The following MYH3 variants were observed in gnomAD, a reference collection of about 807,000 sequenced individuals.
The protein encoded by MYH3 is myosin heavy chain 3, also known as myosin-3.
A neutral mutation model predicts 238.0 loss-of-function variants in MYH3; 130 were observed. The observed-to-expected ratio is 0.55, with a 90% CI of 0.47 to 0.63. The LOEUF is 0.63. Among genes scored for constraint, MYH3 ranks in the 30% least tolerant of loss-of-function variants. MYH3 has a pLI of 0.00. For missense variants in MYH3, 1,853 were observed against 2,374.9 expected (o/e 0.78, Z 4.57); for synonymous variants, 880 against 924.1 (o/e 0.95, Z 0.86).
intron 8 of MYH3, 144 bp from the exon 9 acceptor site, chr17:10,647,570 G>A (rs1400137348): frequency 1.1e-6 from 1 of 880,196 alleles, no homozygotes; most frequent in Non-Finnish European, 1.8e-6. Flanking sequence ...TTTTGAGACG[G>A]AGTCTCGCTC....
At chr17:10,661,289 TAAAAAAAAAAAAA>T (rs34393718), upstream of MYH3, among the ~76,000 whole-genome samples, 26 of 49,690 alleles carry the variant, frequency 5.2e-4, no homozygotes, top group Admixed American at 5.3e-3. Flanking sequence ...AGACTCCATC[TAAAAAAAAAAAAA>T]AAAAAAAAAA....
In MYH3 at chr17:10,628,574, T is replaced by A. The variant is rs2074116246; in HGVS notation, c.*79A>T. On this transcript the variant is annotated 3_prime_UTR_variant, in exon 41 of 41. Transcript: ENST00000583535. ...TTATTGCATGTGAAAAAGAGTCACATGGACATTAAGTATCAATGGTCAGGA... is the reference window on the plus strand; with the variant it reads ...TTATTGCATGTGAAAAAGAGTCACAAGGACATTAAGTATCAATGGTCAGGA... 2 of 1,489,376 alleles carry A rather than the reference T, an allele frequency of 1.3e-6. No individual in the cohort carries two copies. Among genetic ancestry groups the A allele is most frequent in the South Asian group, 2.3e-5 (2 of 88,650 alleles). 92.3% of individuals were successfully genotyped at this position (1,489,376 alleles called of 1,614,324 possible).
Position 10,652,525 on chromosome 17 carries a change from G to GT in MYH3, c.242dup (p.Asn81LysfsTer19), listed in dbSNP as rs2074386846. The GT allele has an allele frequency of 6.2e-7, 1 of 1,613,602 alleles. No homozygotes were observed. Among genetic ancestry groups the GT allele is most frequent in the African/African-American group, 1.3e-5 (1 of 74,780 alleles). On this transcript the variant is annotated frameshift_variant, in exon 4 of 41. Coordinates refer to ENST00000583535, the MANE Select transcript of MYH3 (RefSeq NM_002470.4). LOFTEE classifies it high-confidence loss of function. ...CTTCGATCCTGTCGAACTTGGGGGG[G>GT]TTCATGGCGTACACATCCTCTGGTT...
At chr17:10,659,550 AG>A (rs1351045347), upstream of MYH3, among the ~76,000 whole-genome samples, 1 of 152,214 alleles carries the variant, frequency 6.6e-6, no homozygotes, top group Admixed American at 6.5e-5. Context: ...CACAGAACCC[AG>A]AACTTCCAGA....
chr17:10,669,322 G>A, the MYH3 span, among the ~76,000 whole-genome samples: 1 of 152,136 alleles, frequency 6.6e-6, no homozygotes, highest in Non-Finnish European at 1.5e-5. Flanking sequence ...GGAGGCCCAG[G>A]CAGGCAGATC....
rs1198530241 is a variant in MYH3, at chr17:10,629,612, G to A, written c.5781C>T (p.Asp1927=). The A allele has an allele frequency of 6.2e-7, 1 of 1,613,542 alleles. No individual in the cohort carries two copies. Residue 1927 remains aspartate (D), a synonymous_variant, in exon 40 of 41, where the codon GAC becomes GAT. Transcript: ENST00000583535. ...QVNKLRAKTR[D]FTSSRMVVHE... ...AGCGACTCACCCTGCTGGAGGTGAA[G>A]TCTCGAGTCTTAGCGCGGAGCTTGT...
chr17:10,668,123 G>A, the MYH3 span, among the ~76,000 whole-genome samples: 8 of 152,296 alleles, frequency 5.3e-5, no homozygotes, highest in East Asian at 5.8e-4. Context: ...GGCTGGGTGC[G>A]GCGGCTCACG....
chr17:10,650,188 G>C (rs1876009859), intron 6 of MYH3, among the ~76,000 whole-genome samples, 186 bp downstream of exon 6: 1 of 152,002 alleles, frequency 6.6e-6, no homozygotes, highest in Non-Finnish European at 1.5e-5. Context: ...TGTTAGCCAG[G>C]ATGGTCTCGA....
chr17:10,662,193 T>G (rs1031691809), upstream of MYH3, among the ~76,000 whole-genome samples: 3 of 152,092 alleles, frequency 2.0e-5, no homozygotes, highest in Admixed American at 1.3e-4. Context: ...GGCTAATTTT[T>G]GTATTTTGAG....
chr17:10,641,357 G>A lies in MYH3; in HGVS notation c.1975C>T (p.Leu659=), dbSNP rs761658218. 3 of 1,600,568 alleles carry A rather than the reference G, an allele frequency of 1.9e-6. No homozygotes were observed. The highest frequency in any genetic ancestry group is 8.5e-7 in the Non-Finnish European group (1 of 1,173,252). Reference sequence around the variant, plus strand: ...TGAGTAGTTCTTAAATTTGACATCAGCTTGTTCAGGTTTTCCTAAGAGAAA... The same window carrying A: ...TGAGTAGTTCTTAAATTTGACATCAACTTGTTCAGGTTTTCCTAAGAGAAA... ...SALFRENLNK[L]MSNLRTTHPH... is the part of the protein sequence containing the mutation. The change falls in exon 18 of 41, where the codon CTG becomes TTG. Residue 659 remains leucine, a synonymous_variant. Coordinates refer to ENST00000583535, the MANE Select transcript of MYH3 (RefSeq NM_002470.4).
chr17:10,632,536 G>A lies in MYH3; in HGVS notation c.4896C>T (p.His1632=), dbSNP rs369953016. The A allele has an allele frequency of 3.6e-5, 58 of 1,614,026 alleles. No homozygotes were observed. Among genetic ancestry groups the A allele is most frequent in the African/African-American group, 8.0e-5 (6 of 74,924 alleles). ...GGGTCTCCGCCGCCTGGCGGTTGGC[G>A]TGGCTCAGCTGGATCTCGATTTCAT... is the stretch of plus-strand genomic sequence containing the variant. ...DLNEIEIQLS[H]ANRQAAETLK... The change falls in exon 34 of 41, where the codon CAC becomes CAT. Residue 1632 remains histidine, a synonymous_variant. Coordinates refer to ENST00000583535, the MANE Select transcript of MYH3 (RefSeq NM_002470.4).
Position 10,641,365 on chromosome 17 carries a change from A to G in MYH3, c.1967T>C (p.Leu656Pro). Residue 656 changes from leucine (L) to proline (P), a missense_variant, in exon 18 of 41, where the codon CTG becomes CCG. Transcript: ENST00000583535. ...QTVSALFREN[L>P]NKLMSNLRTT... ...TCTTAAATTTGACATCAGCTTGTTC[A>G]GGTTTTCCTAAGAGAAAAAAAAAAT... 6.4e-7 allele frequency: 1 copy of G among 1,573,672 alleles called. No individual in the cohort carries two copies. Among genetic ancestry groups the G allele is most frequent in the Non-Finnish European group, 8.7e-7 (1 of 1,156,050 alleles).
At chr17:10,635,980 A>G in intron 28 of MYH3, 127 bp from the exon 29 acceptor site, 1 of 837,136 alleles carries the variant, frequency 1.2e-6, no homozygotes, top group Admixed American at 1.9e-5. Context: ...TTTCTTCTTC[A>G]GGGAGAAGGT....
chr17:10,648,761 C>T (rs2074347511), intron 7 of MYH3, 112 bp from the exon 8 acceptor site: 4 of 882,820 alleles, frequency 4.5e-6, no homozygotes, highest in South Asian at 2.7e-5. Flanking sequence ...CTGCAACCTC[C>T]ACCTCCCGGG....
intron 36 of MYH3, among the ~76,000 whole-genome samples, chr17:10,630,682 T>G (rs548647403): frequency 1.3e-5 from 2 of 152,264 alleles, no homozygotes; most frequent in African/African-American, 4.8e-5. Flanking sequence ...AAAGCCCATC[T>G]CTACTAAAAA....
At chr17:10,673,312 C>T in the MYH3 span, 2 of 152,088 alleles carry the variant, frequency 1.3e-5, no homozygotes, top group East Asian at 1.9e-4. Context: ...TTTTTATATC[C>T]CTCGTACTCA....
chr17:10,658,778 T>A (rs556603532), upstream of MYH3: 4 of 152,374 alleles, frequency 2.6e-5, no homozygotes, highest in South Asian at 8.3e-4. Context: ...GAGACTGACA[T>A]GTCCATCCTT....
In MYH3 at chr17:10,651,418, C is replaced by A. The variant is rs1203912948; in HGVS notation, c.505+94G>T. 7.5e-6 allele frequency: 12 copies of A among 1,601,484 alleles called. No individual in the cohort carries two copies. In the East Asian group the frequency reaches 2.5e-4, roughly 33 times the overall value. On this transcript the variant is annotated intron_variant, in intron 5 of 40. Coordinates refer to ENST00000583535, the MANE Select transcript of MYH3 (RefSeq NM_002470.4). ...CTTCCTCCTTTCCCTGTGCTAAACA[C>A]CAGATGGGGTCCAGCCTGGGAGTAA...
At position 10,650,123 on chromosome 17, in the gene MYH3, C is replaced by A. The variant is rs2074361008; in HGVS notation, c.533+251G>T. 2.6e-5 allele frequency among the ~76,000 whole-genome samples: 4 copies of A among 152,214 alleles called. 1 individual carries two copies. In the South Asian group the frequency reaches 8.3e-4, roughly 32 times the overall value. On this transcript the variant is annotated intron_variant, in intron 6 of 40. Coordinates refer to ENST00000583535, the MANE Select transcript of MYH3 (RefSeq NM_002470.4). ...AGTAGCTGTGACTACAGGTGCCCGCCACCACACCCAGCTAATTTTTTTGTA... is the reference window on the plus strand; with the variant it reads ...AGTAGCTGTGACTACAGGTGCCCGCAACCACACCCAGCTAATTTTTTTGTA...
Sources: gnomAD v4.1 joint callset for allele counts (sites outside exome capture counted in the v4.1 genomes callset) on GRCh38, gnomAD v4.1.1 for gene constraint, MANE v1.5 for transcripts, NCBI Gene and HGNC (gene_info 2026-07-23, HGNC 2026-07-21) for gene names.